Variants in PRDM16 observed in about 807,000 individuals in gnomAD.
PRDM16 encodes histone-lysine N-methyltransferase PRDM16.
Under a neutral mutation model 110.6 loss-of-function variants are expected in PRDM16, and 23 were observed. The ratio of observed to expected loss-of-function variants is 0.21; its 90% CI spans 0.15 to 0.29. The LOEUF (loss-of-function observed/expected upper bound fraction) is 0.29. Ranked by LOEUF, PRDM16 falls within the 10% of genes least tolerant of loss-of-function variation. The pLI is 1.00. For synonymous variants in PRDM16, 799 were observed against 781.8 expected (o/e 1.02, Z -0.37); for missense variants, 1,615 against 1,794.3 (o/e 0.90, Z 1.81).
At position 3,082,135 on chromosome 1, in the gene PRDM16, C is replaced by T. The variant is rs115836633; in HGVS notation, c.37+12839C>T. On this transcript the variant is annotated intron_variant, in intron 1 of 16. Coordinates refer to ENST00000270722, the MANE Select transcript of PRDM16 (RefSeq NM_022114.4). ...CATGTTAGATGACCTTGGACCAAAC[C>T]ACGGGAACTTGATGGGCAGGAGGCT... 9.1e-3 allele frequency among the ~76,000 whole-genome samples: 1,388 copies of T among 152,278 alleles called. 22 individuals are homozygous for T. Among genetic ancestry groups the T allele is most frequent in the African/African-American group, 0.032 (1,314 of 41,574 alleles).
rs368845312 is a variant in PRDM16 at position 3,360,980 on chromosome 1, C to T, written c.439-24172C>T. 3.1e-4 allele frequency among the ~76,000 whole-genome samples: 47 copies of T among 152,350 alleles called. 2 individuals carry two copies. In the East Asian group the frequency reaches 8.5e-3, roughly 28 times the overall value. On this transcript the variant is annotated intron_variant, in intron 3 of 16. Coordinates refer to ENST00000270722, the MANE Select transcript of PRDM16 (RefSeq NM_022114.4). Reference sequence around the variant, plus strand: ...GGCTGGCGGCCGGAGTCTATGCACTCTCGTTTTCTCGGCGGAGCCACTTGT... The same window carrying T: ...GGCTGGCGGCCGGAGTCTATGCACTTTCGTTTTCTCGGCGGAGCCACTTGT...
At chr1:3,112,909 G>C (rs1569580546) in intron 1 of PRDM16, among the ~76,000 whole-genome samples, 2 of 152,400 alleles carry the variant, frequency 1.3e-5, no homozygotes, top group East Asian at 3.9e-4. Flanking sequence ...CTTCTTGCGG[G>C]GAGAGCCTGT....
intron 1 of PRDM16, among the ~76,000 whole-genome samples, chr1:3,174,203 C>T (rs193279825): frequency 5.9e-4 from 90 of 152,300 alleles, no homozygotes; most frequent in African/African-American, 2.0e-3. Flanking sequence ...CTGCCTCTGT[C>T]ATCATATGGG....
chr1:3,082,853 C>A (rs547824837), intron 1 of PRDM16, among the ~76,000 whole-genome samples: 19 of 152,176 alleles, frequency 1.2e-4, no homozygotes, highest in Non-Finnish European at 1.3e-4. Flanking sequence ...CTGGGTGCTG[C>A]GTGGGAGCAA....
intron 12 of PRDM16, among the ~76,000 whole-genome samples, chr1:3,424,030 C>T (rs539283187): frequency 2.4e-4 from 37 of 152,330 alleles, no homozygotes; most frequent in African/African-American, 8.7e-4. Context: ...CCACGTGCAA[C>T]TGAAAACCAT....
At chr1:3,407,219 C>G (rs1643577380) in intron 8 of PRDM16, among the ~76,000 whole-genome samples, 2 of 152,232 alleles carry the variant, frequency 1.3e-5, no homozygotes, top group Non-Finnish European at 2.9e-5. Flanking sequence ...CAGCCGGGCC[C>G]CTGTCAGCAC....
In PRDM16 at chr1:3,351,910, G is replaced by A. The variant is rs534979503; in HGVS notation, c.439-33242G>A. ...TGGTATGGAAGGGAGAGCTGGGGGC[G>A]GGGAGGCACTGATGCCTGAGGGTAG... On this transcript the variant is annotated intron_variant, in intron 3 of 16. Coordinates refer to ENST00000270722, the MANE Select transcript of PRDM16 (RefSeq NM_022114.4). Among the ~76,000 whole-genome samples the A allele has an allele frequency of 4.6e-5, 7 of 151,596 alleles. No individual in the cohort carries two copies. In the South Asian group the frequency reaches 1.5e-3, roughly 32 times the overall value.
intron 1 of PRDM16, among the ~76,000 whole-genome samples, chr1:3,162,895 A>G (rs1569728178): frequency 7.1e-6 from 1 of 140,834 alleles, no homozygotes; most frequent in African/African-American, 2.8e-5. Flanking sequence ...ATGTGCGCAG[A>G]AGCCCCTGGC....
At chr1:3,241,766 C>G (rs900176450) in intron 2 of PRDM16, among the ~76,000 whole-genome samples, 1 of 152,196 alleles carries the variant, frequency 6.6e-6, no homozygotes, top group Non-Finnish European at 1.5e-5. Context: ...GATCAGGCGA[C>G]CAAAAGTGCA....
In PRDM16 at chr1:3,243,898, G is replaced by C. The variant is rs140765525; in HGVS notation, c.388-189G>C. 1.3e-5 allele frequency among the ~76,000 whole-genome samples: 2 copies of C among 152,142 alleles called. No individual in the cohort carries two copies. Among genetic ancestry groups the C allele is most frequent in the Non-Finnish European group, 2.9e-5 (2 of 68,022 alleles). On this transcript the variant is annotated intron_variant, in intron 2 of 16. Coordinates refer to ENST00000270722, the MANE Select transcript of PRDM16 (RefSeq NM_022114.4). This position sits in a 1 kb window ranked among gnomAD's most constrained non-coding sequence, Gnocchi z 5.5. ...GGGGCGCTTGGAGTCCTCGGTGACT[G>C]GGGGAGCCTCTGCTGGAAGAAGGGA...
rs1638844029 is a variant in PRDM16 at position 3,434,020 on chromosome 1, T to G, written c.*209T>G. ...GTAGAGTCTCACCATCTCCAAGGAT[T>G]GGTCTTGAGAACACTGTTCAGTGAC... is the stretch of plus-strand genomic sequence containing the variant. On this transcript the variant is annotated 3_prime_UTR_variant, in exon 17 of 17. Transcript: ENST00000270722. The G allele has an allele frequency of 1.0e-5, 6 of 577,916 alleles. No homozygotes were observed. The Admixed American group carries it at 2.0e-4, about 19-fold the overall frequency. 35.8% of individuals were successfully genotyped at this position (577,916 alleles called of 1,614,324 possible). A position where few individuals can be genotyped will look rare whatever the true frequency, so the allele number is the denominator to read the frequency against.
intron 3 of PRDM16, among the ~76,000 whole-genome samples, chr1:3,314,071 C>CGGGGGGGGGGGG (rs747479644): frequency 3.6e-4 from 36 of 100,460 alleles, no homozygotes; most frequent in African/African-American, 1.6e-3. Flanking sequence ...CCTTCCCCAC[C>CGGGGGGGGGGGG]GGGGGGGGGG....
Position 3,353,754 on chromosome 1 carries a change from C to T in PRDM16, c.439-31398C>T, listed in dbSNP as rs1359114134. Reference sequence around the variant, plus strand: ...CCAGAGAGTGGCCAAGGGGGTTGCACTTGGGGCCGGACCTCCTGACTCCTG... The same window carrying T: ...CCAGAGAGTGGCCAAGGGGGTTGCATTTGGGGCCGGACCTCCTGACTCCTG... On this transcript the variant is annotated intron_variant, in intron 3 of 16. Coordinates refer to ENST00000270722, the MANE Select transcript of PRDM16 (RefSeq NM_022114.4). This position sits in a 1 kb window ranked among gnomAD's most constrained non-coding sequence, Gnocchi z 5.4. Among the ~76,000 whole-genome samples, 1 of 152,194 alleles carries T rather than the reference C, an allele frequency of 6.6e-6. No individual in the cohort carries two copies. Among genetic ancestry groups the T allele is most frequent in the African/African-American group, 2.4e-5 (1 of 41,456 alleles).
At chr1:3,144,641 G>A (rs12757205) in intron 1 of PRDM16, among the ~76,000 whole-genome samples, 10,223 of 152,258 alleles carry the variant, frequency 0.067, 475 homozygotes, top group East Asian at 0.12. Flanking sequence ...CTGTGTGCCC[G>A]CGTTCAGGAG....
rs1640937956 is a variant in PRDM16 at position 3,290,056 on chromosome 1, G to A, written c.438+45919G>A. The stretch of plus-strand genomic sequence containing the variant: ...GCCTCCCCTGGTGGAGCGGTTTCTG[G>A]CTTTAAAAGTGTGCTCGTGAGCGCA... On this transcript the variant is annotated intron_variant, in intron 3 of 16. Coordinates refer to ENST00000270722, the MANE Select transcript of PRDM16 (RefSeq NM_022114.4). The surrounding 1 kb of genome is among the most constrained non-coding windows in gnomAD (Gnocchi z 4.8). Among the ~76,000 whole-genome samples the A allele has an allele frequency of 6.6e-6, 1 of 152,152 alleles. No individual in the cohort carries two copies. The highest frequency in any genetic ancestry group is 1.5e-5 in the Non-Finnish European group (1 of 68,024).
At chr1:3,409,849 T>TGTGGGG (rs1553175992) in intron 8 of PRDM16, among the ~76,000 whole-genome samples, 1 of 127,106 alleles carries the variant, frequency 7.9e-6, no homozygotes, top group South Asian at 2.6e-4. Context: ...GTGGTGTGGG[T>TGTGGGG]GTGTGTGTGG....
At chr1:3,099,368 A>G (rs1642479720) in intron 1 of PRDM16, among the ~76,000 whole-genome samples, 1 of 152,232 alleles carries the variant, frequency 6.6e-6, no homozygotes, top group African/African-American at 2.4e-5. Flanking sequence ...GCCGGGAGAG[A>G]TGTGTGCCCG....
At chr1:3,303,771 T>C (rs1315056387) in intron 3 of PRDM16, among the ~76,000 whole-genome samples, 3 of 152,224 alleles carry the variant, frequency 2.0e-5, no homozygotes, top group Admixed American at 1.3e-4. Context: ...TGCATCTCAC[T>C]GGGACTCTGT....
chr1:3,141,460 A>T (rs573554531), intron 1 of PRDM16, among the ~76,000 whole-genome samples: 1 of 152,380 alleles, frequency 6.6e-6, no homozygotes, highest in East Asian at 1.9e-4. Context: ...GAGATCAGAC[A>T]TCATCTCCAA....
Sources: gnomAD v4.1 joint callset for allele counts (sites outside exome capture counted in the v4.1 genomes callset) on GRCh38, gnomAD v4.1.1 for gene constraint, Gnocchi (gnomAD v3.1) non-coding constraint, MANE v1.5 for transcripts, NCBI Gene and HGNC (gene_info 2026-07-23, HGNC 2026-07-21) for gene names.